The following NEBL variants were observed in gnomAD, a reference collection of about 807,000 sequenced individuals.
The protein encoded by NEBL is nebulette, also known as LIM and SH3 protein 2.
A neutral mutation model predicts 140.2 loss-of-function variants in NEBL; 122 were observed. The ratio of observed to expected loss-of-function variants is 0.87; its 90% CI spans 0.75 to 1.01. The LOEUF (loss-of-function observed/expected upper bound fraction) is 1.01. Among genes scored for constraint, NEBL ranks in the 50% least tolerant of loss-of-function variants. NEBL has a pLI of 0.00. For synonymous variants in NEBL, 436 were observed against 398.9 expected (o/e 1.09, Z -1.11); for missense variants, 1,365 against 1,231.3 (o/e 1.11, Z -1.62).
At chr10:21,164,038 G>A (rs1840661290) in intron 2 of NEBL, among the ~76,000 whole-genome samples, 2 of 152,216 alleles carry the variant, frequency 1.3e-5, no homozygotes. Flanking sequence ...GGTTCGACCA[G>A]AGAGGCCTGA....
chr10:20,948,876 G>A lies in NEBL; in HGVS notation c.357+12796C>T, dbSNP rs1379381734. On this transcript the variant is annotated intron_variant, in intron 4 of 6. Coordinates refer to the NEBL transcript ENST00000417816. The stretch of plus-strand genomic sequence containing the variant: ...GTGGTTTGTCGTTAACACAGACTGG[G>A]CCAAGAACGCCAAAGGTGGAAACCA... 1.3e-5 allele frequency among the ~76,000 whole-genome samples: 2 copies of A among 152,144 alleles called. 1 individual carries two copies. The highest frequency in any genetic ancestry group is 3.9e-4 in the East Asian group (2 of 5,184).
At chr10:20,939,324 C>T (rs1273279683) in intron 4 of NEBL, among the ~76,000 whole-genome samples, 2 of 152,218 alleles carry the variant, frequency 1.3e-5, no homozygotes, top group Admixed American at 1.3e-4. Flanking sequence ...ATTTCATATC[C>T]AGCCAAACTA....
At chr10:21,082,535 T>TAAAAAAAAAAAAAAAAAA (rs61234594) in intron 2 of NEBL, among the ~76,000 whole-genome samples, 29 of 117,284 alleles carry the variant, frequency 2.5e-4, no homozygotes, top group African/African-American at 1.1e-3. Context: ...CCACCACCAC[T>TAAAAAAAAAAAAAAAAAA]AAAAAAAAAA....
chr10:21,190,442 C>CCA (rs1841552829), intron 3 of NEBL, among the ~76,000 whole-genome samples: 2 of 152,144 alleles, frequency 1.3e-5, no homozygotes, highest in South Asian at 4.2e-4. Flanking sequence ...TATGATTGAA[C>CCA]CACTGCACTC....
At chr10:21,127,142 C>A (rs1050001799) in intron 2 of NEBL, among the ~76,000 whole-genome samples, 2 of 151,984 alleles carry the variant, frequency 1.3e-5, no homozygotes, top group Admixed American at 6.6e-5. Context: ...AAGTAGAGAA[C>A]AATTTCCTGA....
intron 3 of NEBL, among the ~76,000 whole-genome samples, chr10:21,235,523 C>A (rs1185486097): frequency 6.6e-6 from 1 of 152,114 alleles, no homozygotes; most frequent in Admixed American, 6.5e-5. Flanking sequence ...CCATTATGGA[C>A]AGGCTGGTCT....
At chr10:21,018,022 A>G (rs1838628562) in intron 3 of NEBL, among the ~76,000 whole-genome samples, 1 of 151,948 alleles carries the variant, frequency 6.6e-6, no homozygotes, top group South Asian at 2.1e-4. Flanking sequence ...AGGTTTCACC[A>G]TGTTGGCCAG....
At chr10:21,060,277 G>T (rs1250994729) in intron 2 of NEBL, among the ~76,000 whole-genome samples, 1 of 152,108 alleles carries the variant, frequency 6.6e-6, no homozygotes, top group Non-Finnish European at 1.5e-5. Context: ...ATTCCATCTC[G>T]ACTCATTCTT....
At chr10:20,818,648 T>A (rs535776958) in intron 20 of NEBL, 5 of 286,604 alleles carry the variant, frequency 1.7e-5, no homozygotes, top group South Asian at 1.3e-4. Context: ...TGCATTTTTT[T>A]AAAGAGATTT....
At chr10:20,910,393 A>G (rs1288323138) in intron 4 of NEBL, among the ~76,000 whole-genome samples, 2 of 152,234 alleles carry the variant, frequency 1.3e-5, no homozygotes, top group African/African-American at 4.8e-5. Context: ...GTTAAAACAC[A>G]TGCATCAGAT....
At chr10:21,262,007 A>G (rs907585114) in intron 1 of NEBL, among the ~76,000 whole-genome samples, 2 of 152,174 alleles carry the variant, frequency 1.3e-5, no homozygotes, top group East Asian at 3.9e-4. Context: ...AAGGATTTTG[A>G]AAGCCAAAAG....
intron 2 of NEBL, among the ~76,000 whole-genome samples, chr10:21,094,467 A>G (rs1332531351): frequency 1.5e-5 from 2 of 134,992 alleles, no homozygotes; most frequent in Non-Finnish European, 3.1e-5. Context: ...GTGCCACTGC[A>G]CTCCAGCCTG....
intron 2 of NEBL, among the ~76,000 whole-genome samples, chr10:20,894,364 T>C (rs1357878795): frequency 6.6e-6 from 1 of 151,824 alleles, no homozygotes; most frequent in East Asian, 1.9e-4. Flanking sequence ...TCCTAGCCAC[T>C]TGGAAGGCTA....
At chr10:20,910,974 C>A (rs966081274) in intron 4 of NEBL, among the ~76,000 whole-genome samples, 1 of 151,718 alleles carries the variant, frequency 6.6e-6, no homozygotes, top group Non-Finnish European at 1.5e-5. Flanking sequence ...TCAAGAACAG[C>A]CTGGGCAACA....
chr10:20,916,190 G>T (rs888603178), intron 4 of NEBL, among the ~76,000 whole-genome samples: 7 of 152,170 alleles, frequency 4.6e-5, no homozygotes, highest in African/African-American at 1.7e-4. Context: ...AGAACTACAG[G>T]CAAGAACCAT....
intron 2 of NEBL, among the ~76,000 whole-genome samples, chr10:21,249,104 C>G (rs1842554913): frequency 6.6e-6 from 1 of 152,152 alleles, no homozygotes; most frequent in Admixed American, 6.5e-5. Context: ...TCATAGTTCA[C>G]TCCAGCCTCA....
At chr10:20,920,383 G>A (rs1370283452) in intron 4 of NEBL, among the ~76,000 whole-genome samples, 4 of 152,136 alleles carry the variant, frequency 2.6e-5, no homozygotes, top group Admixed American at 2.6e-4. Context: ...CAAAAGACTG[G>A]AAATAACCCA....
At chr10:20,814,159 CTA>C in intron 22 of NEBL, 116 bp from the exon 23 acceptor site, 1 of 742,914 alleles carries the variant, frequency 1.3e-6, no homozygotes, top group South Asian at 1.5e-5. Context: ...TTCCAGGTAA[CTA>C]TTTCAGTGAA....
chr10:21,150,235 G>A (rs573490820), intron 2 of NEBL, among the ~76,000 whole-genome samples: 3 of 152,092 alleles, frequency 2.0e-5, no homozygotes, highest in Non-Finnish European at 4.4e-5. Flanking sequence ...ATTTATGTGC[G>A]GCTTGCATCT....
Sources: allele counts gnomAD v4.1 joint callset (sites outside exome capture counted in the v4.1 genomes callset), GRCh38; gene constraint gnomAD v4.1.1; transcripts MANE v1.5; gene names NCBI Gene and HGNC (gene_info 2026-07-23, HGNC 2026-07-21).